The following CTNNA2 variants were observed in gnomAD, a reference collection of about 807,000 sequenced individuals.
The protein encoded by CTNNA2 is catenin alpha 2, also known as catenin alpha-2.
A neutral mutation model predicts 101.0 loss-of-function variants in CTNNA2; 42 were observed. That is an observed-to-expected ratio of 0.42 (90% confidence interval 0.32 to 0.54). The LOEUF (loss-of-function observed/expected upper bound fraction) is 0.54, where lower values mean the gene tolerates loss of function less well. Ranked by LOEUF, CTNNA2 falls within the 20% of genes least tolerant of loss-of-function variation. The pLI is 0.14. For synonymous variants in CTNNA2, 450 were observed against 456.4 expected, an observed-to-expected ratio of 0.99 and a Z score of 0.18; for missense variants, 871 against 1,223.1, an observed-to-expected ratio of 0.71 and a Z score of 4.29.
intron 1 of CTNNA2, among the ~76,000 whole-genome samples, chr2:79,623,830 A>G (rs1462167306): frequency 1.3e-5 from 2 of 152,204 alleles, no homozygotes; most frequent in Admixed American, 1.3e-4. Flanking sequence ...CTTGGATATT[A>G]ATTTCACCAT....
At chr2:80,422,350 A>G (rs934094618) in intron 9 of CTNNA2, among the ~76,000 whole-genome samples, 1 of 152,140 alleles carries the variant, frequency 6.6e-6, no homozygotes, top group African/African-American at 2.4e-5. Flanking sequence ...CCCTTGACAC[A>G]TGAAGATTAT....
At chr2:79,810,694 C>A (rs1173199591) in intron 3 of CTNNA2, among the ~76,000 whole-genome samples, 2 of 151,436 alleles carry the variant, frequency 1.3e-5, no homozygotes, top group Non-Finnish European at 2.9e-5. Context: ...CACTCCACAA[C>A]AGGCCCTGGT....
chr2:79,587,833 A>T (rs1676594119), intron 1 of CTNNA2, among the ~76,000 whole-genome samples: 1 of 152,154 alleles, frequency 6.6e-6, no homozygotes, highest in Non-Finnish European at 1.5e-5. Context: ...CTCCCTGTCA[A>T]TGCCATTGCA....
chr2:79,643,736 G>A (rs895010425), intron 1 of CTNNA2, among the ~76,000 whole-genome samples: 1 of 152,068 alleles, frequency 6.6e-6, no homozygotes, highest in Non-Finnish European at 1.5e-5. Flanking sequence ...CTTACTGGAG[G>A]CTCTGGGGAA....
At chr2:80,569,380 C>T (rs914819235) in intron 12 of CTNNA2, among the ~76,000 whole-genome samples, 3 of 152,100 alleles carry the variant, frequency 2.0e-5, no homozygotes, top group African/African-American at 7.2e-5. Context: ...CCCTTTCAGA[C>T]ATAAGCTATT....
intron 7 of CTNNA2, among the ~76,000 whole-genome samples, chr2:79,910,559 C>T (rs1383894716): frequency 6.6e-6 from 1 of 152,182 alleles, no homozygotes; most frequent in East Asian, 1.9e-4. Context: ...AGTGGATGAT[C>T]TGTGCTTCCC....
chr2:79,436,733 G>A lies in CTNNA2; in HGVS notation c.-135+62720G>A, dbSNP rs559071474. Among the ~76,000 whole-genome samples the A allele has an allele frequency of 1.3e-4, 19 of 151,932 alleles. No individual in the cohort carries two copies. The South Asian group carries it at 3.5e-3, about 28-fold the overall frequency. On this transcript the variant is annotated intron_variant, in intron 4 of 21. Coordinates refer to the CTNNA2 transcript ENST00000466387. ...TGCAAGCTTCCCCTCCTGGGTTCAC[G>A]CCATTATCCTGCCTCAGCCTCCCGA... is the stretch of plus-strand genomic sequence containing the variant.
chr2:80,585,161 T>TA (rs1337406295), intron 14 of CTNNA2, among the ~76,000 whole-genome samples: 1 of 152,190 alleles, frequency 6.6e-6, no homozygotes, highest in Non-Finnish European at 1.5e-5. Context: ...CCATAGACGT[T>TA]AAAAATCATT....
chr2:79,492,102 A>G (rs902858209), intron 4 of CTNNA2, among the ~76,000 whole-genome samples: 1 of 152,124 alleles, frequency 6.6e-6, no homozygotes, highest in Non-Finnish European at 1.5e-5. Context: ...CTTAAATAGT[A>G]CCTGTTAATT....
chr2:79,475,987 C>T (rs2104551549), intron 4 of CTNNA2, among the ~76,000 whole-genome samples: 1 of 152,250 alleles, frequency 6.6e-6, no homozygotes, highest in East Asian at 1.9e-4. Context: ...TTGCTGAATT[C>T]AACAACAGCC....
intron 7 of CTNNA2, among the ~76,000 whole-genome samples, chr2:80,085,667 G>T (rs1331719245): frequency 6.6e-6 from 1 of 151,978 alleles, no homozygotes; most frequent in Non-Finnish European, 1.5e-5. Context: ...TTTTCTGCAT[G>T]TTGTCTGTCT....
intron 7 of CTNNA2, among the ~76,000 whole-genome samples, chr2:80,143,630 T>C (rs1703151027): frequency 6.6e-6 from 1 of 152,098 alleles, no homozygotes; most frequent in African/African-American, 2.4e-5. Flanking sequence ...AGAAGATAGA[T>C]TTCACGATAT....
chr2:80,534,763 C>A (rs929806555), intron 9 of CTNNA2, among the ~76,000 whole-genome samples: 1 of 152,124 alleles, frequency 6.6e-6, no homozygotes. Flanking sequence ...TTCCAGGGAC[C>A]TTTCAGCAAG....
intron 7 of CTNNA2, among the ~76,000 whole-genome samples, chr2:80,150,781 G>A (rs1703649415): frequency 6.6e-6 from 1 of 152,136 alleles, no homozygotes; most frequent in Non-Finnish European, 1.5e-5. Context: ...TCCCCGTGTG[G>A]TTTCTGAAAA....
chr2:79,536,855 C>T (rs1388847737), intron 1 of CTNNA2, among the ~76,000 whole-genome samples: 1 of 152,034 alleles, frequency 6.6e-6, no homozygotes, highest in Non-Finnish European at 1.5e-5. Context: ...GTGCATGCTG[C>T]CATGCCCAGC....
chr2:80,165,077 A>G (rs537262413), intron 7 of CTNNA2, among the ~76,000 whole-genome samples: 1 of 151,196 alleles, frequency 6.6e-6, no homozygotes, highest in Admixed American at 6.6e-5. Context: ...CTGTAACTTT[A>G]TATTTCCAGA....
chr2:80,450,213 A>G (rs998821920), intron 9 of CTNNA2, among the ~76,000 whole-genome samples: 4 of 152,250 alleles, frequency 2.6e-5, no homozygotes, highest in African/African-American at 9.6e-5. Context: ...TTTCATAATT[A>G]TAGGAGTATC....
intron 2 of CTNNA2, among the ~76,000 whole-genome samples, chr2:79,278,049 G>A (rs1675259440): frequency 6.6e-6 from 1 of 152,098 alleles, no homozygotes; most frequent in Admixed American, 6.6e-5. Context: ...CTTAAGGGTG[G>A]TGGAGGATGA....
chr2:80,366,947 G>A (rs1573858043), intron 7 of CTNNA2, among the ~76,000 whole-genome samples: 1 of 151,726 alleles, frequency 6.6e-6, no homozygotes, highest in South Asian at 2.1e-4. Context: ...AGAAAAGCGG[G>A]ACAACTGGAA....
Sources: allele counts gnomAD v4.1 joint callset (sites outside exome capture counted in the v4.1 genomes callset), GRCh38; gene constraint gnomAD v4.1.1; transcripts MANE v1.5; gene names NCBI Gene and HGNC (gene_info 2026-07-23, HGNC 2026-07-21).